HERC6: variants seen among roughly 807,000 people sequenced by gnomAD.
The protein encoded by HERC6 is probable E3 ubiquitin-protein ligase HERC6.
Under a neutral mutation model 114.5 loss-of-function variants are expected in HERC6, and 101 were observed. The observed-to-expected ratio is 0.88, with a 90% CI of 0.75 to 1.04. The LOEUF is 1.04. Ranked by LOEUF, HERC6 falls within the 50% of genes least tolerant of loss-of-function variation. HERC6 has a pLI of 0.00. For missense variants in HERC6, 1,133 were observed against 1,230.9 expected, an observed-to-expected ratio of 0.92 and a Z score of 1.19; for synonymous variants, 408 against 436.2, an observed-to-expected ratio of 0.94 and a Z score of 0.81.
chr4:88,393,502 CCT>C lies in HERC6; in HGVS notation c.685_686del (p.Val230ArgfsTer15). On this transcript the variant is annotated frameshift_variant, in exon 5 of 23. Coordinates refer to ENST00000264346, the MANE Select transcript of HERC6 (RefSeq NM_017912.4). LOFTEE classifies it high-confidence loss of function. ...GRNVPVQSNK[P>X]LSVGALKNLG... Reference sequence around the variant, plus strand: ...TCTTTCAACAGTGCAAAGCAACAAGCCTCTCTCAGTCGGTGCACTGAAGAATC... The same window carrying C: ...TCTTTCAACAGTGCAAAGCAACAAGCCTCTCAGTCGGTGCACTGAAGAATC... 6.2e-7 allele frequency: 1 copy of C among 1,610,014 alleles called. No homozygotes were observed. The highest frequency in any genetic ancestry group is 1.3e-5 in the African/African-American group (1 of 75,006).
chr4:88,383,619 C>T (rs951982580), intron 2 of HERC6, among the ~76,000 whole-genome samples: 7 of 151,096 alleles, frequency 4.6e-5, no homozygotes, highest in African/African-American at 1.5e-4. Context: ...GAAAATTAGC[C>T]GGGCATGGTG....
At chr4:88,430,447 G>A (rs1738070549) in intron 16 of HERC6, among the ~76,000 whole-genome samples, 1 of 151,982 alleles carries the variant, frequency 6.6e-6, no homozygotes. Context: ...GTGGGTGCCT[G>A]TAATCTCAGC....
Position 88,413,179 on chromosome 4 carries a change from A to G in HERC6, c.1471A>G (p.Met491Val). ...CCTCCTGCTCCCAGAATGTCCTGTGATGCATGATTCTAAGAACTGGAAGAA... is the reference window on the plus strand; with the variant it reads ...CCTCCTGCTCCCAGAATGTCCTGTGGTGCATGATTCTAAGAACTGGAAGAA... ...VFLLLPECPV[M>V]HDSKNWKNLV... The change falls in exon 12 of 23, where the codon ATG becomes GTG. Residue 491 changes from methionine to valine, a missense_variant. Transcript: ENST00000264346. 3 of 1,613,592 alleles carry G rather than the reference A, an allele frequency of 1.9e-6. No homozygotes were observed. The highest frequency in any genetic ancestry group is 2.5e-6 in the Non-Finnish European group (3 of 1,179,600).
intron 5 of HERC6, among the ~76,000 whole-genome samples, chr4:88,395,724 A>AT (rs1735192258): frequency 6.6e-6 from 1 of 151,460 alleles, no homozygotes; most frequent in African/African-American, 2.4e-5. Context: ...GGGTCTTGCT[A>AT]TATTGGCCAG....
At chr4:88,409,776 T>C (rs1419468754) in intron 11 of HERC6, among the ~76,000 whole-genome samples, 3 of 152,216 alleles carry the variant, frequency 2.0e-5, no homozygotes, top group Admixed American at 6.5e-5. Context: ...TCCAGTTTAA[T>C]ATTGTGTGAT....
chr4:88,411,609 A>C (rs1257554895), intron 11 of HERC6, among the ~76,000 whole-genome samples: 1 of 152,220 alleles, frequency 6.6e-6, no homozygotes, highest in African/African-American at 2.4e-5. Flanking sequence ...TACAGAACAT[A>C]GATCTATCAG....
rs1578366190 is a variant in HERC6 at position 88,383,393 on chromosome 4, A to G, written c.359+13A>G. 1.4e-6 allele frequency: 2 copies of G among 1,472,788 alleles called. No individual in the cohort carries two copies. Among genetic ancestry groups the G allele is most frequent in the Non-Finnish European group, 1.8e-6 (2 of 1,112,474 alleles). The allele number at this position is 1,472,788 out of a possible 1,614,324, so 91.2% of individuals were successfully genotyped here. ...GTTTCACACCTAAGTAAGTGTTTCA[A>G]CCCACTCCTTCATTTATTCAATATA... is the stretch of plus-strand genomic sequence containing the variant. On this transcript the variant is annotated intron_variant, in intron 2 of 22. Transcript: ENST00000264346.
chr4:88,388,779 G>C (rs1734733883), intron 3 of HERC6, among the ~76,000 whole-genome samples: 1 of 152,060 alleles, frequency 6.6e-6, no homozygotes, highest in Non-Finnish European at 1.5e-5. Context: ...AGAGGTGTGG[G>C]ACTCTCAGTT....
Position 88,437,581 on chromosome 4 carries a change from TA to T in HERC6, c.2485-124del, listed in dbSNP as rs1738889865. The stretch of plus-strand genomic sequence containing the variant: ...CATGTATTTAAAAGGCTGAACTACA[TA>T]AAAAATTATTTAGCTCCAAGTTATT... On this transcript the variant is annotated intron_variant, in intron 19 of 22. Coordinates refer to ENST00000264346, the MANE Select transcript of HERC6 (RefSeq NM_017912.4). 7.6e-6 allele frequency: 5 copies of T among 654,308 alleles called. No homozygotes were observed. In the South Asian group the frequency reaches 7.9e-5, roughly 10 times the overall value. The allele number at this position is 654,308 out of a possible 1,614,324, so 40.5% of individuals were successfully genotyped here.
rs1739139015 is a variant in HERC6 at position 88,439,746 on chromosome 4, T to G, written c.2556-128T>G. 3 of 836,624 alleles carry G rather than the reference T, an allele frequency of 3.6e-6. No individual in the cohort carries two copies. The South Asian group carries it at 8.5e-5, about 24-fold the overall frequency. The allele number at this position is 836,624 out of a possible 1,614,324, so 51.8% of individuals were successfully genotyped here. Reference sequence around the variant, plus strand: ...GGTTTTGGTCACAATACAACATTCTTGTGCTATATAGAAGTAATTTACTTT... The same window carrying G: ...GGTTTTGGTCACAATACAACATTCTGGTGCTATATAGAAGTAATTTACTTT... On this transcript the variant is annotated intron_variant, in intron 20 of 22. Coordinates refer to ENST00000264346, the MANE Select transcript of HERC6 (RefSeq NM_017912.4).
Position 88,435,778 on chromosome 4 carries a change from CTTA to C in HERC6, c.2307_2309del (p.Leu769del). On this transcript the variant is annotated inframe_deletion, in exon 18 of 23. Transcript: ENST00000264346. ...TCTTTGGAATGCTGTGTGGACTCTC[CTTA>C]TTCAATTTAAATGTTGCTAACCTTC... is the stretch of plus-strand genomic sequence containing the variant. 1.2e-6 allele frequency: 2 copies of C among 1,610,470 alleles called. No individual in the cohort carries two copies. The highest frequency in any genetic ancestry group is 1.7e-6 in the Non-Finnish European group (2 of 1,178,064).
chr4:88,384,682 T>A (rs1011218980), intron 2 of HERC6, among the ~76,000 whole-genome samples: 1 of 152,176 alleles, frequency 6.6e-6, no homozygotes. Flanking sequence ...TACAGCATCA[T>A]AACTATTTGA....
Position 88,396,955 on chromosome 4 carries a change from A to T in HERC6, c.992A>T (p.Asn331Ile), listed in dbSNP as rs377393318. 3.1e-6 allele frequency: 5 copies of T among 1,612,582 alleles called. No homozygotes were observed. In the African/African-American group the frequency reaches 6.7e-5, roughly 22 times the overall value. ...ACTCATCCGGAGGCCCTGACAGAGA[A>T]CTTTGACATTAGCTGCCTGATTTCT... ...KPTHPEALTENFDISCLISAE... is the reference protein window; with the variant it reads ...KPTHPEALTEIFDISCLISAE... The change falls in exon 7 of 23, where the codon AAC (asparagine) becomes ATC (isoleucine). Residue 331 changes from asparagine (N) to isoleucine (I), a missense_variant. Around this residue, in one of 3 missense-constraint regions of HERC6, gnomAD observed 735 missense variants for 754.0 expected, o/e 0.97. Transcript: ENST00000264346.
intron 8 of HERC6, among the ~76,000 whole-genome samples, chr4:88,401,614 A>C (rs1048756311): frequency 6.6e-6 from 1 of 152,182 alleles, no homozygotes; most frequent in African/African-American, 2.4e-5. Flanking sequence ...AGATGTGTTT[A>C]TTCTGCTGTA....
Position 88,416,910 on chromosome 4 carries a change from T to C in HERC6, c.1559-515T>C, listed in dbSNP as rs1736531520. ...GAGAGTTATTCTGAGAATTTAAAGG[T>C]TCCACATTCCAAATCCATGTTGCAA... On this transcript the variant is annotated intron_variant, in intron 12 of 22. Transcript: ENST00000264346. Among the ~76,000 whole-genome samples the C allele has an allele frequency of 2.0e-5, 3 of 152,210 alleles. No individual in the cohort carries two copies. In the South Asian group the frequency reaches 6.2e-4, roughly 31 times the overall value.
At position 88,408,446 on chromosome 4, in the gene HERC6, G is replaced by A. The variant is rs867584917; in HGVS notation, c.1275-78G>A. 9.0e-5 allele frequency: 78 copies of A among 871,330 alleles called. 1 individual carries two copies. The South Asian group carries it at 1.0e-3, about 12-fold the overall frequency. The allele number at this position is 871,330 out of a possible 1,614,324, so 54.0% of individuals were successfully genotyped here. On this transcript the variant is annotated intron_variant, in intron 10 of 22. Coordinates refer to ENST00000264346, the MANE Select transcript of HERC6 (RefSeq NM_017912.4). ...AGGTTTGTATCTTATATGTAATAAAGCAACAAATGACATACAAACTTTAGA... is the reference window on the plus strand; with the variant it reads ...AGGTTTGTATCTTATATGTAATAAAACAACAAATGACATACAAACTTTAGA...
chr4:88,421,890 C>A (rs1196398846), intron 13 of HERC6, among the ~76,000 whole-genome samples: 2 of 152,090 alleles, frequency 1.3e-5, no homozygotes, highest in Non-Finnish European at 2.9e-5. Context: ...ATGCTTATTG[C>A]CCATTTCTGT....
rs776165766 is a variant in HERC6, at chr4:88,398,146, C to T, written c.1029C>T (p.Phe343=). 5.1e-5 allele frequency: 81 copies of T among 1,586,668 alleles called. No homozygotes were observed. Among genetic ancestry groups the T allele is most frequent in the South Asian group, 5.8e-5 (5 of 86,058 alleles). The change falls in exon 8 of 23, where the codon TTC becomes TTT. Residue 343 remains phenylalanine, a synonymous_variant. Transcript: ENST00000264346. ...DISCLISAED[F]VDVQVKHIFA... is the part of the protein sequence containing the mutation. Reference sequence around the variant, plus strand: ...GGATTTATGACTTTCTTTTAGACTTCGTGGATGTTCAAGTCAAACACATTT... The same window carrying T: ...GGATTTATGACTTTCTTTTAGACTTTGTGGATGTTCAAGTCAAACACATTT...
At chr4:88,411,206 A>G (rs1382738598) in intron 11 of HERC6, among the ~76,000 whole-genome samples, 1 of 152,158 alleles carries the variant, frequency 6.6e-6, no homozygotes, top group Non-Finnish European at 1.5e-5. Flanking sequence ...GTGATATGGG[A>G]GATAATTTGG....
Sources: gnomAD v4.1 joint callset for allele counts (sites outside exome capture counted in the v4.1 genomes callset) on GRCh38, gnomAD v4.1.1 for gene constraint, gnomAD v4.1.1 regional missense constraint, MANE v1.5 for transcripts, NCBI Gene and HGNC (gene_info 2026-07-23, HGNC 2026-07-21) for gene names.